The following TNFRSF10D variants were observed in gnomAD, a reference collection of about 807,000 sequenced individuals.
The protein encoded by TNFRSF10D is tumor necrosis factor receptor superfamily member 10D.
TNFRSF10D carries 28 observed loss-of-function variants against 42.1 expected under a neutral mutation model. The observed-to-expected ratio is 0.66, with a 90% confidence interval of 0.49 to 0.91. The LOEUF (loss-of-function observed/expected upper bound fraction) is 0.91. Ranked by LOEUF, TNFRSF10D falls within the 40% of genes least tolerant of loss-of-function variation. TNFRSF10D has a pLI of 0.00. For missense variants in TNFRSF10D, 503 were observed against 486.1 expected (o/e 1.03, Z -0.33); for synonymous variants, 186 against 189.4 (o/e 0.98, Z 0.15).
At chr8:23,145,459 G>A (rs1028383364) in intron 5 of TNFRSF10D, among the ~76,000 whole-genome samples, 2 of 152,148 alleles carry the variant, frequency 1.3e-5, no homozygotes, top group Admixed American at 6.5e-5. Context: ...GGAGATGAGG[G>A]GTCCCCCAGC....
intron 1 of TNFRSF10D, among the ~76,000 whole-genome samples, chr8:23,161,625 C>G (rs999711174): frequency 6.6e-6 from 1 of 152,240 alleles, no homozygotes; most frequent in East Asian, 1.9e-4. Context: ...GTCATCTACT[C>G]CCACTACCAA....
rs1814357322 is a variant in TNFRSF10D at position 23,137,638 on chromosome 8, T to G, written c.*232A>C. 1 of 503,096 alleles carries G rather than the reference T, an allele frequency of 2.0e-6. No individual in the cohort carries two copies. The highest frequency in any genetic ancestry group is 3.0e-5 in the South Asian group (1 of 33,540). The allele number at this position is 503,096 out of a possible 1,614,324, so 31.2% of individuals were successfully genotyped here. ...CCCTTAATACACAATCGTATAACTA[T>G]GCAGCCAAGAATCTGATATAAATTT... On this transcript the variant is annotated 3_prime_UTR_variant, in exon 9 of 9. Coordinates refer to ENST00000312584, the MANE Select transcript of TNFRSF10D (RefSeq NM_003840.5).
intron 2 of TNFRSF10D, 126 bp from the exon 3 acceptor site, chr8:23,148,677 G>C (rs1165401944): frequency 3.3e-6 from 2 of 605,586 alleles, no homozygotes; most frequent in Non-Finnish European, 3.0e-6. Flanking sequence ...TTCTTGGCTT[G>C]GTCTTGTCAT....
chr8:23,143,482 G>T (rs1353132461), intron 7 of TNFRSF10D, among the ~76,000 whole-genome samples: 3 of 152,050 alleles, frequency 2.0e-5, no homozygotes, highest in African/African-American at 7.2e-5. Flanking sequence ...CAAAACAAAG[G>T]TGCAATGCGA....
In TNFRSF10D at chr8:23,144,524, C is replaced by CCAGG. The variant is rs1158424854; in HGVS notation, c.879_880insCCTG (p.Glu294ProfsTer32). The CCAGG allele has an allele frequency of 2.2e-5, 36 of 1,614,100 alleles. No homozygotes were observed. Among genetic ancestry groups the CCAGG allele is most frequent in the Non-Finnish European group, 2.9e-5 (34 of 1,180,048 alleles). Reference sequence around the variant, plus strand: ...TCTGCCAGCTCCTGACCTTGGATTTCCTGCTCAGAGACCTGGGTGGGCTGC... The same window carrying CCAGG: ...TCTGCCAGCTCCTGACCTTGGATTTCCAGGCTGCTCAGAGACCTGGGTGGGCTGC... On this transcript the variant is annotated frameshift_variant, in exon 7 of 9. Transcript: ENST00000312584. LOFTEE classifies it high-confidence loss of function.
intron 1 of TNFRSF10D, among the ~76,000 whole-genome samples, chr8:23,156,486 C>T (rs769939384): frequency 3.3e-5 from 5 of 151,998 alleles, no homozygotes; most frequent in Non-Finnish European, 5.9e-5. Flanking sequence ...TAGGTTCAGG[C>T]GATGTCTCTG....
intron 1 of TNFRSF10D, among the ~76,000 whole-genome samples, chr8:23,161,124 A>C (rs1198237495): frequency 6.6e-6 from 1 of 152,148 alleles, no homozygotes; most frequent in African/African-American, 2.4e-5. Flanking sequence ...GATGTGGTTC[A>C]TCCTCCCACA....
Position 23,145,857 on chromosome 8 carries a change from C to G in TNFRSF10D, c.547G>C (p.Glu183Gln), listed in dbSNP as rs745909066. 3 of 1,614,094 alleles carry G rather than the reference C, an allele frequency of 1.9e-6. No homozygotes were observed. The highest frequency in any genetic ancestry group is 2.5e-6 in the Non-Finnish European group (3 of 1,180,048). ...TTCCCAGTGGAACTGGCAGCTGATT[C>G]ATTTTTGCACTTGATGTCACTCCGG... ...TPRSDIKCKNESAASSTGKTP... is the reference protein window; with the variant it reads ...TPRSDIKCKNQSAASSTGKTP... The change falls in exon 5 of 9, where the codon GAA becomes CAA. Residue 183 changes from glutamate (E) to glutamine (Q), a missense_variant. By Grantham distance (29) the Glu-to-Gln change is conservative. Coordinates refer to ENST00000312584, the MANE Select transcript of TNFRSF10D (RefSeq NM_003840.5).
At chr8:23,144,414 G>C (rs1800079174) in intron 7 of TNFRSF10D, 36 bp downstream of exon 7, 3 of 1,599,808 alleles carry the variant, frequency 1.9e-6, no homozygotes, top group Non-Finnish European at 2.6e-6. Flanking sequence ...TGTGCAGGCT[G>C]CACGCCAGGC....
At chr8:23,162,629 A>G (rs1305389759) in intron 1 of TNFRSF10D, among the ~76,000 whole-genome samples, 1 of 152,090 alleles carries the variant, frequency 6.6e-6, no homozygotes, top group African/African-American at 2.4e-5. Context: ...TGTGCACCCC[A>G]CTACCAATCT....
intron 1 of TNFRSF10D, among the ~76,000 whole-genome samples, chr8:23,162,840 A>T (rs943039847): frequency 1.3e-5 from 2 of 152,226 alleles, no homozygotes; most frequent in Admixed American, 1.3e-4. Flanking sequence ...CAGCGTTGGA[A>T]AGCTTTTTCA....
At chr8:23,163,682 C>T (rs1800408224) in intron 1 of TNFRSF10D, 104 bp downstream of exon 1, 3 of 1,503,450 alleles carry the variant, frequency 2.0e-6, no homozygotes, top group African/African-American at 1.4e-5. Context: ...TGCCCGGCCG[C>T]AGGCGACCCG....
intron 2 of TNFRSF10D, among the ~76,000 whole-genome samples, chr8:23,153,526 T>C (rs1032987472): frequency 1.3e-5 from 2 of 151,978 alleles, no homozygotes; most frequent in Non-Finnish European, 2.9e-5. Context: ...TAGTATGCAA[T>C]CAAATAATCC....
intron 1 of TNFRSF10D, among the ~76,000 whole-genome samples, chr8:23,155,240 G>GA (rs1189365340): frequency 4.2e-5 from 6 of 143,724 alleles, no homozygotes; most frequent in African/African-American, 1.3e-4. Flanking sequence ...GAGCAGAAGA[G>GA]TTTTTTTTTT....
Position 23,163,899 on chromosome 8 carries a change from T to A in TNFRSF10D, c.37A>T (p.Ser13Cys), listed in dbSNP as rs747510280. The A allele has an allele frequency of 3.1e-6, 5 of 1,590,176 alleles. No individual in the cohort carries two copies. In the Admixed American group the frequency reaches 7.2e-5, roughly 23 times the overall value. ...CCTGGATAGCGCCCTGCTCGAGCGC[T>A]CGAGGCGGTCGGGACGCTTTGTCCC... is the stretch of plus-strand genomic sequence containing the variant. ...LWGQSVPTAS[S>C]ARAGRYPGAR... is the part of the protein sequence containing the mutation. The change falls in exon 1 of 9, where the codon AGC (serine) becomes TGC (cysteine). Residue 13 changes from serine (S) to cysteine (C), a missense_variant. Physicochemically the swap from Ser to Cys is moderately radical, Grantham distance 112 (BLOSUM62 -1). Transcript: ENST00000312584.
chr8:23,151,612 A>T (rs1473248300), intron 2 of TNFRSF10D, among the ~76,000 whole-genome samples: 1 of 152,348 alleles, frequency 6.6e-6, no homozygotes, highest in South Asian at 2.1e-4. Flanking sequence ...TTGTTAAGGA[A>T]TACACAACAT....
At chr8:23,146,739 A>G (rs1057104982) in intron 4 of TNFRSF10D, among the ~76,000 whole-genome samples, 1 of 146,564 alleles carries the variant, frequency 6.8e-6, no homozygotes, top group African/African-American at 2.5e-5. Context: ...GGACAAAGGG[A>G]CTCCTGCTGG....
chr8:23,148,991 C>G (rs372700876), intron 2 of TNFRSF10D, among the ~76,000 whole-genome samples: 51 of 151,362 alleles, frequency 3.4e-4, no homozygotes, highest in African/African-American at 1.1e-3. Flanking sequence ...GAGATCGAGA[C>G]CATCCTGGCT....
intron 7 of TNFRSF10D, among the ~76,000 whole-genome samples, chr8:23,142,601 G>A (rs1169312646): frequency 2.6e-5 from 4 of 152,136 alleles, no homozygotes; most frequent in Non-Finnish European, 4.4e-5. Flanking sequence ...TACCAGGGCG[G>A]GGAGGGAGCG....
Sources: gnomAD v4.1 joint callset for allele counts (sites outside exome capture counted in the v4.1 genomes callset) on GRCh38, gnomAD v4.1.1 for gene constraint, MANE v1.5 for transcripts, NCBI Gene and HGNC (gene_info 2026-07-23, HGNC 2026-07-21) for gene names.